C8orf76: variants seen among roughly 807,000 people sequenced by gnomAD.
C8orf76 encodes uncharacterized protein C8orf76.
C8orf76 carries 46 observed loss-of-function variants against 38.1 expected under a neutral mutation model. The observed-to-expected ratio is 1.21, with a 90% confidence interval of 0.95 to 1.54. The LOEUF (loss-of-function observed/expected upper bound fraction) is 1.54. Ranked by LOEUF, C8orf76 falls within the 40% of genes most tolerant of loss-of-function variation. The probability of loss-of-function intolerance (pLI) is 0.00; values close to 1 mark genes in which losing one functional copy is unlikely to be tolerated. For synonymous variants in C8orf76, 166 were observed against 167.5 expected, an observed-to-expected ratio of 0.99 and a Z score of 0.07; for missense variants, 461 against 441.6, an observed-to-expected ratio of 1.04 and a Z score of -0.39.
At chr8:123,236,267 A>C (rs1825473412) in intron 3 of C8orf76, among the ~76,000 whole-genome samples, 1 of 152,198 alleles carries the variant, frequency 6.6e-6, no homozygotes, top group Non-Finnish European at 1.5e-5. Context: ...GTACATCCAC[A>C]AAGCTCAAAA....
At chr8:123,225,683 T>C (rs1466922750) in intron 5 of C8orf76, among the ~76,000 whole-genome samples, 1 of 152,024 alleles carries the variant, frequency 6.6e-6, no homozygotes, top group Non-Finnish European at 1.5e-5. Context: ...TCCCAGCACT[T>C]TGGGAGGCCG....
In C8orf76 at chr8:123,221,638, G is replaced by A. The variant is rs565383516; in HGVS notation, c.949-1341C>T. On this transcript the variant is annotated intron_variant, in intron 5 of 5. Coordinates refer to ENST00000276704, the MANE Select transcript of C8orf76 (RefSeq NM_032847.3). ...TTTAGTAGAAACAGGGTTTCATCAT[G>A]TTGGCCAGGCTGGTCTTGAGTTCCT... is the stretch of plus-strand genomic sequence containing the variant. Among the ~76,000 whole-genome samples, 187 of 152,324 alleles carry A rather than the reference G, an allele frequency of 1.2e-3. 1 individual carries two copies. Among genetic ancestry groups the A allele is most frequent in the African/African-American group, 4.3e-3 (180 of 41,576 alleles).
intron 1 of C8orf76, among the ~76,000 whole-genome samples, chr8:123,240,412 C>G (rs1418313074): frequency 6.6e-6 from 1 of 152,186 alleles, no homozygotes; most frequent in Non-Finnish European, 1.5e-5. Flanking sequence ...TTGTGAGGAA[C>G]GAATGAGACA....
At chr8:123,225,250 A>G (rs113311731) in intron 5 of C8orf76, among the ~76,000 whole-genome samples, 6,057 of 152,164 alleles carry the variant, frequency 0.04, 395 homozygotes, top group African/African-American at 0.14. Flanking sequence ...CAAGTGATCC[A>G]CCCACCTTGG....
chr8:123,238,874 C>T, intron 2 of C8orf76, 175 bp downstream of exon 2: 2 of 582,116 alleles, frequency 3.4e-6, no homozygotes, highest in Non-Finnish European at 5.9e-6. Flanking sequence ...ACAAACAAAT[C>T]ATACAGAGCC....
At chr8:123,222,196 C>A (rs140530324) in intron 5 of C8orf76, among the ~76,000 whole-genome samples, 1,581 of 151,888 alleles carry the variant, frequency 0.01, 27 homozygotes, top group African/African-American at 0.036. Flanking sequence ...ACCGTGTTAC[C>A]CAGGATGGTC....
rs1824862735 is a variant in C8orf76, at chr8:123,220,183, C to G, written c.1063G>C (p.Asp355His). Residue 355 changes from aspartate to histidine, a missense_variant, in exon 6 of 6, where the codon GAC becomes CAC. Transcript: ENST00000276704. ...TCTTTGATCTTTCTGAACCACTTGTCTTCAAATTCTTCTGAGGATACAGTC... is the reference window on the plus strand; with the variant it reads ...TCTTTGATCTTTCTGAACCACTTGTGTTCAAATTCTTCTGAGGATACAGTC... Reference protein sequence around the residue: ...LVTVSSEEFEDKWFRKIKDHF... With the variant: ...LVTVSSEEFEHKWFRKIKDHF... 1 of 1,614,044 alleles carries G rather than the reference C, an allele frequency of 6.2e-7. No homozygotes were observed. The highest frequency in any genetic ancestry group is 2.2e-5 in the East Asian group (1 of 44,880).
chr8:123,227,689 G>T (rs951084300), intron 4 of C8orf76, among the ~76,000 whole-genome samples: 5 of 152,086 alleles, frequency 3.3e-5, no homozygotes, highest in Non-Finnish European at 7.4e-5. Context: ...TAAGATCACT[G>T]TGGCTGGAAC....
At position 123,239,137 on chromosome 8, in the gene C8orf76, T is replaced by C; in HGVS notation, c.125A>G (p.Tyr42Cys). 3.7e-6 allele frequency: 6 copies of C among 1,614,094 alleles called. No homozygotes were observed. The highest frequency in any genetic ancestry group is 5.1e-6 in the Non-Finnish European group (6 of 1,179,986). ...CAKLCEPQWF[Y>C]EETESSDDVE... Reference sequence around the variant, plus strand: ...ATCATCACTGCTTTCTGTTTCTTCATAAAACCACTTGAAATCATGAAAATA... The same window carrying C: ...ATCATCACTGCTTTCTGTTTCTTCACAAAACCACTTGAAATCATGAAAATA... Residue 42 changes from tyrosine (Y) to cysteine (C), a missense_variant, in exon 2 of 6, where the codon TAT becomes TGT. By Grantham distance (194) the Tyr-to-Cys change is radical (BLOSUM62 -2). Transcript: ENST00000276704.
chr8:123,235,514 T>A (rs955886811), intron 3 of C8orf76, among the ~76,000 whole-genome samples: 1 of 152,124 alleles, frequency 6.6e-6, no homozygotes, highest in African/African-American at 2.4e-5. Flanking sequence ...GAGAATGCCG[T>A]GCAGACACGC....
At chr8:123,229,601 CTT>C (rs940526457) in intron 4 of C8orf76, among the ~76,000 whole-genome samples, 1 of 152,204 alleles carries the variant, frequency 6.6e-6, no homozygotes. Flanking sequence ...TAAGGGACTG[CTT>C]TTTAAATGAT....
At chr8:123,240,822 T>C (rs1825657007) in intron 1 of C8orf76, among the ~76,000 whole-genome samples, 1 of 151,920 alleles carries the variant, frequency 6.6e-6, no homozygotes, top group African/African-American at 2.4e-5. Context: ...CAGCGCGGGG[T>C]TGGTACGGGC....
At chr8:123,230,146 G>C (rs748025640) in intron 4 of C8orf76, among the ~76,000 whole-genome samples, 1 of 152,114 alleles carries the variant, frequency 6.6e-6, no homozygotes, top group Non-Finnish European at 1.5e-5. Context: ...TTTGAAACAT[G>C]AGAGAGTCTG....
At chr8:123,230,828 T>C (rs916135087) in intron 4 of C8orf76, among the ~76,000 whole-genome samples, 2 of 152,148 alleles carry the variant, frequency 1.3e-5, no homozygotes, top group Non-Finnish European at 2.9e-5. Flanking sequence ...TTTTTGTATT[T>C]TAGTAGAGAC....
At chr8:123,234,683 C>A (rs575771263) in intron 3 of C8orf76, among the ~76,000 whole-genome samples, 3 of 151,414 alleles carry the variant, frequency 2.0e-5, no homozygotes, top group African/African-American at 7.3e-5. Flanking sequence ...ACAGGTGAAT[C>A]GCTTGAACCC....
chr8:123,223,723 G>A (rs1388678327), intron 5 of C8orf76, among the ~76,000 whole-genome samples: 2 of 152,154 alleles, frequency 1.3e-5, no homozygotes, highest in African/African-American at 4.8e-5. Flanking sequence ...ATCAAAAGAT[G>A]AGTAGATAAA....
intron 3 of C8orf76, chr8:123,237,131 T>A: frequency 1.2e-6 from 1 of 849,718 alleles, no homozygotes; most frequent in Non-Finnish European, 2.0e-6. Flanking sequence ...CCGCAAGTGC[T>A]GTGCCCGCCT....
In C8orf76 at chr8:123,241,359, G is replaced by C; in HGVS notation, c.-13C>G. ...ACCCGGAATCCATCTCGCGCCCGCG[G>C]CGGGGGCAACGAGGAAGCGGGGCCC... On this transcript the variant is annotated 5_prime_UTR_variant, in exon 1 of 6. Coordinates refer to ENST00000276704, the MANE Select transcript of C8orf76 (RefSeq NM_032847.3). The C allele has an allele frequency of 6.5e-7, 1 of 1,546,930 alleles. No homozygotes were observed. Among genetic ancestry groups the C allele is most frequent in the Non-Finnish European group, 8.7e-7 (1 of 1,155,870 alleles).
intron 5 of C8orf76, among the ~76,000 whole-genome samples, chr8:123,224,820 A>G (rs1041236214): frequency 6.6e-6 from 1 of 152,154 alleles, no homozygotes; most frequent in Non-Finnish European, 1.5e-5. Flanking sequence ...CTTATAAGGA[A>G]CCTAGTATCT....
Sources: gnomAD v4.1 joint callset for allele counts (sites outside exome capture counted in the v4.1 genomes callset) on GRCh38, gnomAD v4.1.1 for gene constraint, MANE v1.5 for transcripts, NCBI Gene and HGNC (gene_info 2026-07-23, HGNC 2026-07-21) for gene names.